Variants in SUGCT observed in about 807,000 individuals in gnomAD.
The protein encoded by SUGCT is succinyl-CoA:glutarate-CoA transferase, also known as succinyl-CoA:glutarate CoA-transferase.
In SUGCT, 41 loss-of-function variants were observed where a neutral mutation model predicts 55.0. The observed-to-expected ratio is 0.74, with a 90% CI of 0.58 to 0.97. The LOEUF is 0.97. SUGCT is among the 50% of genes least tolerant of loss of function. The pLI, the probability that SUGCT is intolerant of heterozygous loss-of-function variation, is 0.00. For missense variants in SUGCT, 568 were observed against 547.8 expected (o/e 1.04, Z -0.37); for synonymous variants, 187 against 200.4 (o/e 0.93, Z 0.56).
In SUGCT at chr7:40,674,230, A is replaced by G. The variant is rs116130772; in HGVS notation, c.1090-75204A>G. 1.5e-3 allele frequency among the ~76,000 whole-genome samples: 223 copies of G among 152,316 alleles called. 1 individual carries two copies. Among genetic ancestry groups the G allele is most frequent in the African/African-American group, 5.3e-3 (219 of 41,592 alleles). ...GCTACATAAAATGGAGACTTTTACT[A>G]TAGGATACACAGTCTGTGGAAAGTT... On this transcript the variant is annotated intron_variant, in intron 12 of 13. Transcript: ENST00000335693.
intron 1 of SUGCT, among the ~76,000 whole-genome samples, chr7:40,138,388 G>A (rs554225239): frequency 6.6e-6 from 1 of 152,098 alleles, no homozygotes; most frequent in South Asian, 2.1e-4. Context: ...TGTTTATTTA[G>A]TGCTCCATTG....
intron 12 of SUGCT, among the ~76,000 whole-genome samples, chr7:40,522,467 C>T (rs900628372): frequency 1.3e-5 from 2 of 152,066 alleles, no homozygotes. Context: ...TTTATCCTTA[C>T]AGTTACCTGG....
At chr7:40,597,314 C>T (rs142376850) in intron 12 of SUGCT, among the ~76,000 whole-genome samples, 208 of 152,228 alleles carry the variant, frequency 1.4e-3, no homozygotes, top group African/African-American at 4.8e-3. Flanking sequence ...AATTGTTGTA[C>T]AACTTCAAGT....
chr7:40,620,172 C>G (rs1042556441), intron 12 of SUGCT, among the ~76,000 whole-genome samples: 1 of 152,156 alleles, frequency 6.6e-6, no homozygotes, highest in Non-Finnish European at 1.5e-5. Context: ...CAATTGTGAT[C>G]CCCTTGTTGG....
chr7:40,214,957 A>G (rs1204006677), intron 6 of SUGCT, among the ~76,000 whole-genome samples: 1 of 151,962 alleles, frequency 6.6e-6, no homozygotes, highest in Non-Finnish European at 1.5e-5. Context: ...AGGAAAGAGT[A>G]TGTGTATATG....
intron 1 of SUGCT, among the ~76,000 whole-genome samples, 152 bp downstream of exon 1, chr7:40,135,272 C>G (rs1055177591): frequency 6.6e-6 from 1 of 152,226 alleles, no homozygotes; most frequent in Non-Finnish European, 1.5e-5. Flanking sequence ...TTCCGTGGGC[C>G]TGCGGCCGGC....
At chr7:40,971,984 C>CATTT in the SUGCT span, among the ~76,000 whole-genome samples, 1 of 151,980 alleles carries the variant, frequency 6.6e-6, no homozygotes, top group Non-Finnish European at 1.5e-5. Context: ...AAATAAAACT[C>CATTT]ATTTATTAGT....
At chr7:40,822,335 C>T (rs923438540) in intron 13 of SUGCT, among the ~76,000 whole-genome samples, 9 of 152,152 alleles carry the variant, frequency 5.9e-5, no homozygotes, top group African/African-American at 1.2e-4. Context: ...CTTTCTGTCT[C>T]GTTGATCTGT....
At chr7:40,263,785 C>G (rs1415550236) in intron 7 of SUGCT, among the ~76,000 whole-genome samples, 1 of 152,124 alleles carries the variant, frequency 6.6e-6, no homozygotes, top group Non-Finnish European at 1.5e-5. Context: ...CCTTGAGTTG[C>G]CTGGCTAATA....
intron 13 of SUGCT, among the ~76,000 whole-genome samples, chr7:40,822,607 A>G (rs1792081400): frequency 6.6e-6 from 1 of 152,074 alleles, no homozygotes; most frequent in South Asian, 2.1e-4. Flanking sequence ...CCCTAGTTAT[A>G]TTGTAATAGG....
chr7:40,517,237 TTTCGATGTG>T (rs1793289785), intron 12 of SUGCT, among the ~76,000 whole-genome samples: 1 of 151,884 alleles, frequency 6.6e-6, no homozygotes, highest in Admixed American at 6.6e-5. Context: ...TTTTTTTTTT[TTTCGATGTG>T]AATTCCTTAG....
chr7:40,996,607 A>G, the SUGCT span, among the ~76,000 whole-genome samples: 1 of 152,184 alleles, frequency 6.6e-6, no homozygotes, highest in Non-Finnish European at 1.5e-5. Context: ...GTCCATGCCA[A>G]CTTTCTGTCC....
At chr7:40,332,817 G>A (rs1796401917) in intron 9 of SUGCT, among the ~76,000 whole-genome samples, 1 of 152,150 alleles carries the variant, frequency 6.6e-6, no homozygotes, top group African/African-American at 2.4e-5. Flanking sequence ...AAGTTGATAA[G>A]TGCAGAGGAA....
chr7:40,727,493 A>G (rs1252244581), intron 12 of SUGCT, among the ~76,000 whole-genome samples: 1 of 152,138 alleles, frequency 6.6e-6, no homozygotes, highest in East Asian at 1.9e-4. Context: ...ACCTTCATTT[A>G]TTGACAAATG....
intron 12 of SUGCT, among the ~76,000 whole-genome samples, chr7:40,735,635 G>A (rs925091233): frequency 6.6e-6 from 1 of 152,090 alleles, no homozygotes; most frequent in Non-Finnish European, 1.5e-5. Context: ...AGATAGAATA[G>A]AAACTTCAAA....
chr7:40,356,231 T>C (rs1467863270), intron 9 of SUGCT, among the ~76,000 whole-genome samples: 1 of 152,238 alleles, frequency 6.6e-6, no homozygotes, highest in Non-Finnish European at 1.5e-5. Flanking sequence ...ACATTAGTTG[T>C]CATCGAAATG....
intron 12 of SUGCT, among the ~76,000 whole-genome samples, chr7:40,729,138 T>C (rs777293827): frequency 1.3e-5 from 2 of 152,218 alleles, no homozygotes; most frequent in Admixed American, 6.5e-5. Context: ...TTCTAGTCTG[T>C]GATACCTAAT....
At chr7:41,033,224 G>C in the SUGCT span, among the ~76,000 whole-genome samples, 31 of 152,222 alleles carry the variant, frequency 2.0e-4, no homozygotes, top group Non-Finnish European at 4.1e-4. Flanking sequence ...TCAATCTTCA[G>C]AAGTTGCAGT....
At chr7:40,562,139 A>G (rs1795872756) in intron 12 of SUGCT, among the ~76,000 whole-genome samples, 1 of 151,696 alleles carries the variant, frequency 6.6e-6, no homozygotes, top group African/African-American at 2.4e-5. Flanking sequence ...CTCTACTAAA[A>G]ATACAAAAAA....
Sources: allele counts gnomAD v4.1 joint callset (sites outside exome capture counted in the v4.1 genomes callset), GRCh38; gene constraint gnomAD v4.1.1; transcripts MANE v1.5; gene names NCBI Gene and HGNC (gene_info 2026-07-23, HGNC 2026-07-21).